The following FUT9 variants were observed in gnomAD, a reference collection of about 807,000 sequenced individuals.
The protein encoded by FUT9 is fucosyltransferase 9.
A neutral mutation model predicts 29.7 loss-of-function variants in FUT9; 15 were observed. The observed-to-expected ratio is 0.51, with a 90% CI of 0.34 to 0.78. FUT9 has a LOEUF of 0.78. FUT9 is among the 30% of genes least tolerant of loss of function. The pLI, the probability that FUT9 is intolerant of heterozygous loss-of-function variation, is 0.01. For missense variants in FUT9, 319 were observed against 425.4 expected (o/e 0.75, Z 2.20); for synonymous variants, 169 against 153.7 (o/e 1.10, Z -0.74).
intron 1 of FUT9, among the ~76,000 whole-genome samples, chr6:96,064,997 C>T (rs1334085374): frequency 6.6e-6 from 1 of 152,106 alleles, no homozygotes; most frequent in Non-Finnish European, 1.5e-5. Flanking sequence ...AATGAAAATT[C>T]CCTTGCTTCA....
intron 2 of FUT9, among the ~76,000 whole-genome samples, chr6:96,137,760 T>C (rs745743643): frequency 9.9e-5 from 15 of 152,050 alleles, no homozygotes; most frequent in African/African-American, 3.1e-4. Context: ...AATAATAATA[T>C]ATTAATATTG....
chr6:96,174,691 A>G (rs1335162164), intron 2 of FUT9, among the ~76,000 whole-genome samples: 1 of 152,202 alleles, frequency 6.6e-6, no homozygotes, highest in Non-Finnish European at 1.5e-5. Context: ...ATTTGGAACC[A>G]GGAAAAGAAA....
At chr6:96,039,948 TA>T (rs376921996) in intron 1 of FUT9, among the ~76,000 whole-genome samples, 1 of 97,454 alleles carries the variant, frequency 1.0e-5, no homozygotes, top group Non-Finnish European at 2.1e-5. Context: ...AAATTCAAAC[TA>T]TTTTTTTTTC....
intron 2 of FUT9, among the ~76,000 whole-genome samples, chr6:96,180,165 G>C (rs936719825): frequency 6.6e-6 from 1 of 152,128 alleles, no homozygotes; most frequent in African/African-American, 2.4e-5. Flanking sequence ...TCATGCAAGT[G>C]TAAGTGCAAC....
intron 2 of FUT9, among the ~76,000 whole-genome samples, chr6:96,188,011 A>G (rs1035562941): frequency 2.6e-5 from 4 of 152,090 alleles, no homozygotes; most frequent in Non-Finnish European, 5.9e-5. Context: ...CCCCAATAAT[A>G]AAACAAATCT....
chr6:96,094,535 A>C (rs1771463616), intron 1 of FUT9, among the ~76,000 whole-genome samples: 1 of 152,130 alleles, frequency 6.6e-6, no homozygotes, highest in Admixed American at 6.6e-5. Context: ...TGAAATTGTG[A>C]AGAAGGAAAA....
At chr6:96,067,516 G>C (rs541770150) in intron 1 of FUT9, among the ~76,000 whole-genome samples, 11 of 152,226 alleles carry the variant, frequency 7.2e-5, no homozygotes, top group African/African-American at 2.6e-4. Context: ...GGAAGTCTTT[G>C]CTACACTTTA....
At chr6:96,099,471 C>G (rs961583507) in intron 1 of FUT9, among the ~76,000 whole-genome samples, 4 of 151,998 alleles carry the variant, frequency 2.6e-5, no homozygotes, top group Non-Finnish European at 4.4e-5. Context: ...TTTAAAAGGT[C>G]AGAAACAGTA....
intron 2 of FUT9, among the ~76,000 whole-genome samples, chr6:96,184,882 C>T (rs1247005540): frequency 6.6e-6 from 1 of 151,968 alleles, no homozygotes; most frequent in Non-Finnish European, 1.5e-5. Context: ...TGAGCCATGT[C>T]TCATAAATCC....
intron 2 of FUT9, among the ~76,000 whole-genome samples, chr6:96,168,071 A>T (rs1312075941): frequency 6.6e-6 from 1 of 152,224 alleles, no homozygotes; most frequent in Non-Finnish European, 1.5e-5. Context: ...AAAGGATGAA[A>T]TTGCCATCAG....
intron 1 of FUT9, among the ~76,000 whole-genome samples, chr6:96,093,445 A>G (rs1771445354): frequency 1.3e-5 from 2 of 152,132 alleles, no homozygotes; most frequent in East Asian, 1.9e-4. Flanking sequence ...AGATACTATG[A>G]TTGACAGTAT....
intron 2 of FUT9, among the ~76,000 whole-genome samples, chr6:96,196,242 T>C (rs1773622376): frequency 6.6e-6 from 1 of 152,158 alleles, no homozygotes; most frequent in Non-Finnish European, 1.5e-5. Flanking sequence ...TGGATTAATT[T>C]AAAAATTAAT....
chr6:96,154,623 A>G (rs1216310292), intron 2 of FUT9, among the ~76,000 whole-genome samples: 1 of 152,140 alleles, frequency 6.6e-6, no homozygotes, highest in African/African-American at 2.4e-5. Flanking sequence ...TGGCTCTTTT[A>G]TATTCCATGA....
intron 1 of FUT9, among the ~76,000 whole-genome samples, chr6:96,074,989 G>T (rs796124297): frequency 7.9e-5 from 12 of 151,556 alleles, no homozygotes; most frequent in African/African-American, 2.7e-4. Flanking sequence ...TCACTGTGTT[G>T]CCCAGGCTCA....
intron 2 of FUT9, among the ~76,000 whole-genome samples, chr6:96,195,244 T>G (rs1773601966): frequency 6.6e-6 from 1 of 152,152 alleles, no homozygotes; most frequent in South Asian, 2.1e-4. Flanking sequence ...ACAAACCCAC[T>G]GCAGAAATGA....
At chr6:96,026,328 A>G (rs979565020) in intron 1 of FUT9, among the ~76,000 whole-genome samples, 3 of 151,790 alleles carry the variant, frequency 2.0e-5, no homozygotes, top group African/African-American at 7.2e-5. Context: ...ACCTTTCACT[A>G]AGATAGAAAA....
In FUT9 at chr6:96,073,448, C is replaced by CAA. The variant is rs58982988; in HGVS notation, c.-97-40575_-97-40574dup. ...TGGGAGACAGAGTGAGACTCCGTCT[C>CAA]AAAAAAAAAAAAAAAAAGCATTGAA... On this transcript the variant is annotated intron_variant, in intron 1 of 2. Transcript: ENST00000302103. Among the ~76,000 whole-genome samples the CAA allele has an allele frequency of 3.9e-3, 242 of 61,300 alleles. 1 individual carries two copies. The highest frequency in any genetic ancestry group is 0.013 in the African/African-American group (233 of 18,294). 40.2% of individuals were successfully genotyped at this position (61,300 alleles called of 152,430 possible). A position where few individuals can be genotyped will look rare whatever the true frequency, so the allele number is the denominator to read the frequency against.
chr6:96,142,656 A>T (rs9399782), intron 2 of FUT9, among the ~76,000 whole-genome samples: 26,623 of 151,840 alleles, frequency 0.18, 2,702 homozygotes, highest in East Asian at 0.31. Context: ...CTGTATGCAG[A>T]TCTATTATGA....
At chr6:96,171,774 A>G (rs1773117413) in intron 2 of FUT9, among the ~76,000 whole-genome samples, 1 of 152,126 alleles carries the variant, frequency 6.6e-6, no homozygotes, top group South Asian at 2.1e-4. Flanking sequence ...CCATCACCTC[A>G]TGGGATTTCT....
Sources: allele counts gnomAD v4.1 joint callset (sites outside exome capture counted in the v4.1 genomes callset), GRCh38; gene constraint gnomAD v4.1.1; transcripts MANE v1.5; gene names NCBI Gene and HGNC (gene_info 2026-07-23, HGNC 2026-07-21).